The following ANKS1B variants were observed in gnomAD, a reference collection of about 807,000 sequenced individuals.
The protein encoded by ANKS1B is ankyrin repeat and sterile alpha motif domain containing 1B, also known as ankyrin repeat and sterile alpha motif domain-containing protein 1B.
In ANKS1B, 36 loss-of-function variants were observed where a neutral mutation model predicts 148.3. The ratio of observed to expected loss-of-function variants is 0.24; its 90% CI spans 0.19 to 0.32. ANKS1B has a LOEUF of 0.32. Among genes scored for constraint, ANKS1B ranks in the 10% least tolerant of loss-of-function variants. ANKS1B has a pLI of 1.00. For missense variants in ANKS1B, 1,157 were observed against 1,542.6 expected (o/e 0.75, Z 4.19); for synonymous variants, 542 against 560.8 (o/e 0.97, Z 0.47).
intron 14 of ANKS1B, among the ~76,000 whole-genome samples, chr12:99,235,349 T>C (rs1165219938): frequency 6.6e-6 from 1 of 152,134 alleles, no homozygotes; most frequent in East Asian, 1.9e-4. Context: ...TGAAACACCA[T>C]TCCAGCACAG....
chr12:99,443,652 G>T (rs1464683650), intron 11 of ANKS1B, 21 bp downstream of exon 11: 2 of 1,610,090 alleles, frequency 1.2e-6, no homozygotes, highest in Non-Finnish European at 1.7e-6. Flanking sequence ...GAGGGAAAAT[G>T]ATGCCATTCT....
chr12:99,667,220 G>A (rs1369825246), intron 8 of ANKS1B, among the ~76,000 whole-genome samples: 2 of 151,828 alleles, frequency 1.3e-5, no homozygotes, highest in South Asian at 2.1e-4. Context: ...GTGGTGGCAC[G>A]CACCTGTAGT....
rs184861435 is a variant in ANKS1B at position 98,964,800 on chromosome 12, G to A, written c.2778+88357C>T. Among the ~76,000 whole-genome samples, 188 of 152,310 alleles carry A rather than the reference G, an allele frequency of 1.2e-3. 2 individuals carry two copies. The highest frequency in any genetic ancestry group is 6.8e-3 in the Middle Eastern group (2 of 294). ...ATAGAGAGTAGAATGATGGTTACCA[G>A]AGGTTGGGAAGGGTATTGAGGGTGC... On this transcript the variant is annotated intron_variant, in intron 17 of 26. Transcript: ENST00000683438.
chr12:99,746,467 T>C (rs1016840184), intron 8 of ANKS1B, among the ~76,000 whole-genome samples: 1 of 152,176 alleles, frequency 6.6e-6, no homozygotes, highest in Non-Finnish European at 1.5e-5. Context: ...AGTCAGTCAT[T>C]TTCCCTCAAA....
At chr12:99,612,852 C>T (rs2097914033) in intron 9 of ANKS1B, among the ~76,000 whole-genome samples, 2 of 152,054 alleles carry the variant, frequency 1.3e-5, no homozygotes, top group African/African-American at 4.8e-5. Context: ...GAGTAAGCAG[C>T]TATGGGTAGT....
chr12:99,857,950 A>T (rs2089436332), intron 1 of ANKS1B, among the ~76,000 whole-genome samples: 1 of 152,156 alleles, frequency 6.6e-6, no homozygotes, highest in Admixed American at 6.5e-5. Flanking sequence ...GACACATTGG[A>T]AAAACCCTTC....
intron 1 of ANKS1B, among the ~76,000 whole-genome samples, chr12:99,978,932 G>A (rs2095659646): frequency 6.6e-6 from 1 of 152,040 alleles, no homozygotes; most frequent in Non-Finnish European, 1.5e-5. Context: ...CAAATAAATT[G>A]AGGCATTAAT....
chr12:99,944,794 G>C (rs189286157), intron 1 of ANKS1B, among the ~76,000 whole-genome samples: 1 of 152,230 alleles, frequency 6.6e-6, no homozygotes, highest in East Asian at 1.9e-4. Flanking sequence ...TGAATGTTCA[G>C]AGGAGGCAAG....
chr12:99,305,326 T>C (rs1466089535), intron 12 of ANKS1B, among the ~76,000 whole-genome samples: 2 of 152,142 alleles, frequency 1.3e-5, no homozygotes, highest in African/African-American at 2.4e-5. Flanking sequence ...ACAAATTGTA[T>C]ATTTCTGCTG....
rs375846146 is a variant in ANKS1B at position 99,164,004 on chromosome 12, G to A, written c.2420-9609C>T. Among the ~76,000 whole-genome samples, 161 of 152,086 alleles carry A rather than the reference G, an allele frequency of 1.1e-3. 3 individuals carry two copies. In the South Asian group the frequency reaches 0.031, roughly 29 times the overall value. On this transcript the variant is annotated intron_variant, in intron 14 of 26. Coordinates refer to ENST00000683438, the MANE Select transcript of ANKS1B (RefSeq NM_001352186.2). The stretch of plus-strand genomic sequence containing the variant: ...TAGGTATGTACTAATATTTCCTTGC[G>A]GTTTTAATTTGTATTTCCCTCATGG...
At chr12:99,417,020 C>T (rs899659817) in intron 11 of ANKS1B, among the ~76,000 whole-genome samples, 1 of 152,260 alleles carries the variant, frequency 6.6e-6, no homozygotes, top group Non-Finnish European at 1.5e-5. Context: ...TTCTTAAACA[C>T]GTGCTCTGTG....
At chr12:98,821,405 G>A (rs2099189439) in intron 19 of ANKS1B, among the ~76,000 whole-genome samples, 1 of 152,190 alleles carries the variant, frequency 6.6e-6, no homozygotes, top group South Asian at 2.1e-4. Context: ...GGGAGGAGGT[G>A]CCTCCTTACT....
chr12:99,112,453 T>C (rs941135197), intron 15 of ANKS1B, among the ~76,000 whole-genome samples: 4 of 151,896 alleles, frequency 2.6e-5, no homozygotes, highest in African/African-American at 9.7e-5. Context: ...TGCTTATCTC[T>C]TTCTCCCACT....
intron 17 of ANKS1B, among the ~76,000 whole-genome samples, chr12:99,050,167 G>T (rs1227633631): frequency 2.6e-5 from 4 of 152,162 alleles, no homozygotes; most frequent in African/African-American, 4.8e-5. Flanking sequence ...CTCATATTTG[G>T]GTACCTCTCT....
At chr12:98,997,072 A>G (rs185073391) in intron 17 of ANKS1B, among the ~76,000 whole-genome samples, 11 of 152,298 alleles carry the variant, frequency 7.2e-5, no homozygotes, top group African/African-American at 2.4e-4. Flanking sequence ...AACAACATAG[A>G]CAATATATTC....
chr12:99,816,790 C>T (rs2069233216), intron 2 of ANKS1B, among the ~76,000 whole-genome samples: 1 of 151,480 alleles, frequency 6.6e-6, no homozygotes, highest in Non-Finnish European at 1.5e-5. Flanking sequence ...GTAATATGAA[C>T]TAAATAGGCC....
chr12:99,289,338 A>G (rs1322728913), intron 12 of ANKS1B, among the ~76,000 whole-genome samples: 1 of 152,076 alleles, frequency 6.6e-6, no homozygotes, highest in Non-Finnish European at 1.5e-5. Flanking sequence ...TCGATGCCTC[A>G]CTTTCAACAT....
At chr12:98,972,874 C>A (rs570091235) in intron 17 of ANKS1B, among the ~76,000 whole-genome samples, 1 of 152,174 alleles carries the variant, frequency 6.6e-6, no homozygotes, top group African/African-American at 2.4e-5. Context: ...TCATTTTTAG[C>A]ATCTACAGAG....
intron 12 of ANKS1B, among the ~76,000 whole-genome samples, chr12:99,281,021 T>G (rs2078378118): frequency 6.6e-6 from 1 of 152,020 alleles, no homozygotes; most frequent in South Asian, 2.1e-4. Context: ...CCATAACCCC[T>G]TCCACAGAGA....
Sources: allele counts gnomAD v4.1 joint callset (sites outside exome capture counted in the v4.1 genomes callset), GRCh38; gene constraint gnomAD v4.1.1; transcripts MANE v1.5; gene names NCBI Gene and HGNC (gene_info 2026-07-23, HGNC 2026-07-21).